INPP5B: variants seen among roughly 807,000 people sequenced by gnomAD.
INPP5B encodes the protein inositol polyphosphate-5-phosphatase B.
INPP5B carries 90 observed loss-of-function variants against 118.5 expected under a neutral mutation model. That is an observed-to-expected ratio of 0.76 (90% CI 0.64 to 0.90). INPP5B has a LOEUF of 0.90. Ranked by LOEUF, INPP5B falls within the 40% of genes least tolerant of loss-of-function variation. The probability of loss-of-function intolerance (pLI) is 0.00; values close to 1 mark genes in which losing one functional copy is unlikely to be tolerated. For missense variants in INPP5B, 984 were observed against 1,125.6 expected (o/e 0.87, Z 1.80); for synonymous variants, 385 against 418.9 (o/e 0.92, Z 0.99).
At chr1:37,922,600 G>A (rs1028321841) in intron 7 of INPP5B, among the ~76,000 whole-genome samples, 2 of 152,024 alleles carry the variant, frequency 1.3e-5, no homozygotes, top group Non-Finnish European at 2.9e-5. Flanking sequence ...GGAGGCTGAG[G>A]CAGAAGAATG....
chr1:37,893,788 A>G (rs774261719), intron 7 of INPP5B, among the ~76,000 whole-genome samples: 17 of 152,142 alleles, frequency 1.1e-4, no homozygotes, highest in Non-Finnish European at 2.1e-4. Flanking sequence ...AATACTCACC[A>G]CAGTCCTTCA....
At chr1:37,883,211 C>T (rs1342051925) in intron 13 of INPP5B, 1 of 985,184 alleles carries the variant, frequency 1.0e-6, no homozygotes, top group Admixed American at 6.2e-5. Flanking sequence ...AGTAATTTAC[C>T]CCATTCCTGG....
chr1:37,897,255 G>A (rs867768245), intron 7 of INPP5B, among the ~76,000 whole-genome samples: 18 of 151,018 alleles, frequency 1.2e-4, no homozygotes, highest in Middle Eastern at 6.9e-3. Context: ...CATTGAGAAC[G>A]GGCCATGATG....
intron 15 of INPP5B, among the ~76,000 whole-genome samples, chr1:37,879,807 C>G (rs1468499293): frequency 2.6e-5 from 4 of 152,038 alleles, no homozygotes; most frequent in Non-Finnish European, 5.9e-5. Context: ...TGTCCAAGTA[C>G]CAGCTAAGTT....
At chr1:37,946,356 C>T (rs577350949) in intron 1 of INPP5B, 22 bp from the exon 2 acceptor site, 12 of 1,578,716 alleles carry the variant, frequency 7.6e-6, no homozygotes. Context: ...GAGATAGGAG[C>T]CCCGCTTTGG....
intron 10 of INPP5B, 21 bp downstream of exon 10, chr1:37,888,222 G>C: frequency 7.0e-7 from 1 of 1,420,502 alleles, no homozygotes; most frequent in Non-Finnish European, 9.4e-7. Flanking sequence ...ATGGAGAGGG[G>C]ACTAGAAGAG....
intron 7 of INPP5B, among the ~76,000 whole-genome samples, chr1:37,903,189 G>C: frequency 6.6e-6 from 1 of 152,110 alleles, no homozygotes; most frequent in East Asian, 1.9e-4. Context: ...TGAGATATGA[G>C]GGTCGGCACA....
At chr1:37,939,194 CA>C (rs34249747) in intron 6 of INPP5B, among the ~76,000 whole-genome samples, 11,697 of 73,036 alleles carry the variant, frequency 0.16, 533 homozygotes, top group East Asian at 0.23. Flanking sequence ...AACTCCGTCT[CA>C]AAAAAAAAAA....
intron 10 of INPP5B, among the ~76,000 whole-genome samples, chr1:37,887,933 C>G (rs576908056): frequency 2.0e-5 from 3 of 151,944 alleles, no homozygotes; most frequent in South Asian, 4.1e-4. Context: ...GATAGTTTTG[C>G]TTTGTAACCA....
At chr1:37,891,242 AG>A in intron 8 of INPP5B, 115 bp downstream of exon 8, 1 of 636,686 alleles carries the variant, frequency 1.6e-6, no homozygotes, top group Non-Finnish European at 2.7e-6. Flanking sequence ...AAAAAAAAAA[AG>A]GACACTTCCT....
intron 2 of INPP5B, 48 bp downstream of exon 2, chr1:37,946,204 C>T (rs777089607): frequency 1.3e-6 from 2 of 1,568,374 alleles, no homozygotes; most frequent in South Asian, 2.3e-5. Context: ...CATTCCTCTT[C>T]CCAAGGCCAG....
rs1642653908 is a variant in INPP5B at position 37,874,301 on chromosome 1, A to G, written c.1789-146T>C. On this transcript the variant is annotated intron_variant, in intron 17 of 23. Coordinates refer to ENST00000373024, the MANE Select transcript of INPP5B (RefSeq NM_005540.3). Reference sequence around the variant, plus strand: ...GCTTTAAGTATCTACCTGGGAGGCCACAGTTCCCACTAAAGACTAGTTATC... The same window carrying G: ...GCTTTAAGTATCTACCTGGGAGGCCGCAGTTCCCACTAAAGACTAGTTATC... 9.5e-6 allele frequency: 5 copies of G among 524,676 alleles called. No individual in the cohort carries two copies. The East Asian group carries it at 1.7e-4, about 17-fold the overall frequency. The allele number at this position is 524,676 out of a possible 1,614,324, so 32.5% of individuals were successfully genotyped here. A position where few individuals can be genotyped will look rare whatever the true frequency, so the allele number is the denominator to read the frequency against.
At chr1:37,914,249 C>T (rs994927310) in intron 7 of INPP5B, among the ~76,000 whole-genome samples, 1 of 152,208 alleles carries the variant, frequency 6.6e-6, no homozygotes, top group Non-Finnish European at 1.5e-5. Context: ...CTCAGGGCTG[C>T]TCTGTCTATG....
intron 7 of INPP5B, among the ~76,000 whole-genome samples, chr1:37,895,527 T>A (rs1035753207): frequency 6.8e-5 from 9 of 131,938 alleles, no homozygotes; most frequent in Admixed American, 4.1e-4. Context: ...ACAGTCTCCC[T>A]CTCCCTCTCT....
chr1:37,883,900 A>T, intron 13 of INPP5B: 7 of 960,612 alleles, frequency 7.3e-6, no homozygotes, highest in Non-Finnish European at 8.7e-6. Flanking sequence ...GTTATCATAA[A>T]GTCTAAAATT....
intron 19 of INPP5B, among the ~76,000 whole-genome samples, chr1:37,871,371 T>C (rs752110571): frequency 3.4e-5 from 5 of 148,572 alleles, no homozygotes; most frequent in Non-Finnish European, 7.4e-5. Flanking sequence ...GGCAGGAGAA[T>C]CGTTTGAACC....
chr1:37,938,994 G>A lies in INPP5B; in HGVS notation c.391+1694C>T, dbSNP rs142000491. Among the ~76,000 whole-genome samples the A allele has an allele frequency of 4.1e-3, 619 of 152,196 alleles. 1 individual carries two copies. Among genetic ancestry groups the A allele is most frequent in the Non-Finnish European group, 7.1e-3 (486 of 68,018 alleles). ...GGATCACCTGAGGTCAGGAGTTCAA[G>A]ACCAGCCTGGCCAACATGATGAAAC... is the stretch of plus-strand genomic sequence containing the variant. On this transcript the variant is annotated intron_variant, in intron 6 of 23. Coordinates refer to ENST00000373024, the MANE Select transcript of INPP5B (RefSeq NM_005540.3).
At chr1:37,914,101 C>G (rs564798829) in intron 7 of INPP5B, among the ~76,000 whole-genome samples, 1 of 152,282 alleles carries the variant, frequency 6.6e-6, no homozygotes, top group South Asian at 2.1e-4. Context: ...CCCACCTGCA[C>G]CCAGGTGAAA....
intron 7 of INPP5B, among the ~76,000 whole-genome samples, chr1:37,921,747 C>T (rs1391051138): frequency 1.3e-5 from 2 of 152,168 alleles, no homozygotes; most frequent in East Asian, 1.9e-4. Flanking sequence ...TGGTGGCTCA[C>T]GCCTGTAATC....
Sources: allele counts gnomAD v4.1 joint callset (sites outside exome capture counted in the v4.1 genomes callset), GRCh38; gene constraint gnomAD v4.1.1; transcripts MANE v1.5; gene names NCBI Gene and HGNC (gene_info 2026-07-23, HGNC 2026-07-21).